IL17REL: variants seen among roughly 807,000 people sequenced by gnomAD.
The protein encoded by IL17REL is interleukin 17 receptor E like.
In IL17REL, 36 loss-of-function variants were observed where a neutral mutation model predicts 49.0. That is an observed-to-expected ratio of 0.73 (90% CI 0.56 to 0.97). The LOEUF (loss-of-function observed/expected upper bound fraction) is 0.97, where lower values mean the gene tolerates loss of function less well. Among genes scored for constraint, IL17REL ranks in the 50% least tolerant of loss-of-function variants. The pLI is 0.00. For synonymous variants in IL17REL, 206 were observed against 192.4 expected (o/e 1.07, Z -0.58); for missense variants, 470 against 453.9 (o/e 1.04, Z -0.32).
rs1213127321 is a variant in IL17REL at position 49,999,817 on chromosome 22, C to T, written c.474+11G>A. On this transcript the variant is annotated intron_variant, in intron 5 of 12. Coordinates refer to ENST00000341280, the Ensembl canonical transcript of IL17REL. ...CTAAGGCTGACCGGGGCCCGGGGCG[C>T]GGGCGCTCACTCGCACAGGGGCGCC... 14 of 1,496,280 alleles carry T rather than the reference C, an allele frequency of 9.4e-6. No individual in the cohort carries two copies. Among genetic ancestry groups the T allele is most frequent in the South Asian group, 2.6e-5 (2 of 78,428 alleles). The allele number at this position is 1,496,280 out of a possible 1,614,324, so 92.7% of individuals were successfully genotyped here.
chr22:50,007,102 T>C (rs982050689), intron 1 of IL17REL, among the ~76,000 whole-genome samples: 1 of 152,132 alleles, frequency 6.6e-6, no homozygotes, highest in Non-Finnish European at 1.5e-5. Flanking sequence ...CCTCTTTGTC[T>C]AGATCAGGGA....
chr22:50,000,980 C>A (rs1046238084), intron 2 of IL17REL, 102 bp downstream of exon 3: 2 of 1,251,316 alleles, frequency 1.6e-6, no homozygotes, highest in Non-Finnish European at 2.2e-6. Context: ...TAGCAGCCCC[C>A]CTCCCTCACC....
At chr22:50,006,447 C>T (rs2061110901) in intron 1 of IL17REL, among the ~76,000 whole-genome samples, 1 of 152,070 alleles carries the variant, frequency 6.6e-6, no homozygotes, top group African/African-American at 2.4e-5. Context: ...TAAACAAGCA[C>T]ACCAGGAAGC....
At chr22:50,000,856 C>A in exon 3 of IL17REL, 5 of 1,563,666 alleles carry the variant, frequency 3.2e-6, no homozygotes, top group East Asian at 2.4e-5. Flanking sequence ...CCAGGCCCCG[C>A]AGGCGCTCTG....
intron 1 of IL17REL, among the ~76,000 whole-genome samples, chr22:50,004,458 G>A (rs1036943743): frequency 8.5e-5 from 13 of 152,118 alleles, no homozygotes; most frequent in Non-Finnish European, 1.3e-4. Flanking sequence ...GGGAGTGAGG[G>A]GAGCTTTGTT....
chr22:50,003,198 G>C (rs989106431), intron 1 of IL17REL, among the ~76,000 whole-genome samples: 5 of 152,174 alleles, frequency 3.3e-5, no homozygotes, highest in Non-Finnish European at 7.3e-5. Context: ...GTGAGGGAAC[G>C]ACCAGAGGTG....
At chr22:49,998,450 G>A in intron 7 of IL17REL, 141 bp from the exon 10 acceptor site, 1 of 749,676 alleles carries the variant, frequency 1.3e-6, no homozygotes, top group Admixed American at 3.1e-5. Flanking sequence ...GCTCAAGGCT[G>A]TGCACGTGTG....
upstream of IL17REL, among the ~76,000 whole-genome samples, chr22:50,010,238 G>C (rs1187288539): frequency 2.6e-5 from 4 of 152,254 alleles, no homozygotes; most frequent in Non-Finnish European, 5.9e-5. Flanking sequence ...CCCCGGCCTC[G>C]GCCCCTGGTG....
chr22:49,999,876 C>T, exon 5 of IL17REL: 1 of 1,544,866 alleles, frequency 6.5e-7, no homozygotes, highest in South Asian at 1.2e-5. Context: ...TGAGGCAGAG[C>T]CGCAGGTAGT....
At chr22:49,996,927 G>C (rs976022747) in intron 12 of IL17REL, 67 bp from the exon 15 acceptor site, 1 of 760,434 alleles carries the variant, frequency 1.3e-6, no homozygotes, top group Non-Finnish European at 2.1e-6. Context: ...GATGGGAAGG[G>C]GGGGTGTGAA....
intron 2 of IL17REL, 80 bp downstream of exon 3, chr22:50,001,002 G>A (rs2061076345): frequency 7.7e-7 from 1 of 1,307,048 alleles, no homozygotes; most frequent in Non-Finnish European, 1.1e-6. Context: ...GGCCGCCCAA[G>A]GTTTGATGGG....
chr22:49,999,148 G>T, intron 7 of IL17REL, 143 bp downstream of exon 9: 2 of 991,192 alleles, frequency 2.0e-6, no homozygotes, highest in Non-Finnish European at 3.2e-6. Flanking sequence ...AGGTTCCCTT[G>T]GTGACAAGCC....
chr22:49,998,407 G>T, intron 7 of IL17REL, 98 bp from the exon 10 acceptor site: 2 of 963,682 alleles, frequency 2.1e-6, no homozygotes, highest in Non-Finnish European at 1.4e-6. Context: ...CTGGGCCAGG[G>T]TCCAGCGCAG....
chr22:50,001,229 TC>T, exon 2 of IL17REL: 1 of 1,360,130 alleles, frequency 7.4e-7, no homozygotes, highest in Non-Finnish European at 1.0e-6. Context: ...TTAAAAATGT[TC>T]CCTGGGGAGG....
chr22:50,000,965 G>T, intron 2 of IL17REL, 102 bp from the exon 4 acceptor site: 1 of 1,250,164 alleles, frequency 8.0e-7, no homozygotes, highest in Non-Finnish European at 1.1e-6. Context: ...TCTGTGAAGT[G>T]CGGTTAGCAG....
chr22:49,994,152 G>A (rs2061019779), downstream of IL17REL, among the ~76,000 whole-genome samples: 2 of 152,026 alleles, frequency 1.3e-5, no homozygotes, highest in Non-Finnish European at 2.9e-5. Flanking sequence ...CCAGGTTAGG[G>A]AGGGACACCC....
intron 1 of IL17REL, among the ~76,000 whole-genome samples, chr22:50,004,903 T>G (rs1055943369): frequency 6.6e-6 from 1 of 150,854 alleles, no homozygotes; most frequent in African/African-American, 2.4e-5. Context: ...TCTGCATCTT[T>G]TGACCCTTTC....
At chr22:49,999,383 C>T in intron 6 of IL17REL, 38 bp from the exon 9 acceptor site, 3 of 1,612,852 alleles carry the variant, frequency 1.9e-6, no homozygotes, top group South Asian at 2.2e-5. Context: ...CCCACCCATC[C>T]CTGTGCTCCC....
upstream of IL17REL, among the ~76,000 whole-genome samples, chr22:50,011,170 C>T (rs1243256086): frequency 5.3e-5 from 8 of 151,804 alleles, no homozygotes; most frequent in Non-Finnish European, 1.2e-4. Context: ...CTTGACCCCT[C>T]CTGCTCAACC....
Sources: gnomAD v4.1 joint callset for allele counts (sites outside exome capture counted in the v4.1 genomes callset) on GRCh38, gnomAD v4.1.1 for gene constraint, MANE v1.5 for transcripts, NCBI Gene and HGNC (gene_info 2026-07-23, HGNC 2026-07-21) for gene names.